Variants in GRM5 observed in about 807,000 individuals in gnomAD.
The protein encoded by GRM5 is glutamate metabotropic receptor 5, also known as metabotropic glutamate receptor 5.
GRM5 carries 19 observed loss-of-function variants against 83.1 expected under a neutral mutation model. The observed-to-expected ratio is 0.23, with a 90% CI of 0.16 to 0.34. The LOEUF is 0.34. Among genes scored for constraint, GRM5 ranks in the 10% least tolerant of loss-of-function variants. GRM5 has a pLI of 1.00. For synonymous variants in GRM5, 675 were observed against 633.6 expected (o/e 1.07, Z -0.98); for missense variants, 1,160 against 1,588.3 (o/e 0.73, Z 4.58).
chr11:88,807,245 G>A (rs1022260062), intron 3 of GRM5, among the ~76,000 whole-genome samples: 2 of 152,106 alleles, frequency 1.3e-5, no homozygotes, highest in Admixed American at 6.6e-5. Context: ...TTTAAAAGCT[G>A]TCTTAAACCT....
chr11:88,769,648 T>C (rs1339267342), intron 3 of GRM5, among the ~76,000 whole-genome samples: 1 of 151,818 alleles, frequency 6.6e-6, no homozygotes, highest in Non-Finnish European at 1.5e-5. Context: ...GGCACAAGAA[T>C]CAACTGAAAG....
At chr11:88,580,891 A>T (rs1943203135) in intron 7 of GRM5, among the ~76,000 whole-genome samples, 1 of 152,208 alleles carries the variant, frequency 6.6e-6, no homozygotes, top group Non-Finnish European at 1.5e-5. Context: ...CTGTAATCCC[A>T]GCACTTTGGG....
At chr11:88,631,561 T>C (rs1938971066) in intron 4 of GRM5, among the ~76,000 whole-genome samples, 1 of 152,140 alleles carries the variant, frequency 6.6e-6, no homozygotes, top group African/African-American at 2.4e-5. Context: ...ATATAATTAT[T>C]GTCTGAGTTG....
chr11:88,959,888 T>C (rs1288988760), intron 2 of GRM5, among the ~76,000 whole-genome samples: 6 of 152,212 alleles, frequency 3.9e-5, no homozygotes, highest in Admixed American at 2.0e-4. Context: ...GAAGAAAGTA[T>C]ATATACAGCT....
At chr11:88,519,118 G>A (rs1372378050) in intron 9 of GRM5, among the ~76,000 whole-genome samples, 1 of 151,250 alleles carries the variant, frequency 6.6e-6, no homozygotes, top group Non-Finnish European at 1.5e-5. Flanking sequence ...ACATCAAGGA[G>A]GAATGGACAT....
chr11:88,687,875 G>C (rs1394435655), intron 3 of GRM5, among the ~76,000 whole-genome samples: 7 of 151,712 alleles, frequency 4.6e-5, no homozygotes, highest in Non-Finnish European at 1.0e-4. Context: ...ATGAGATAGT[G>C]ATAGTACTGA....
At chr11:88,760,861 G>C (rs1251736592) in intron 3 of GRM5, among the ~76,000 whole-genome samples, 1 of 152,110 alleles carries the variant, frequency 6.6e-6, no homozygotes. Flanking sequence ...TATCCGTCAT[G>C]ATCAAGTAGG....
chr11:88,832,170 AATCAAT>A (rs143202020), intron 3 of GRM5, among the ~76,000 whole-genome samples: 3,873 of 152,304 alleles, frequency 0.025, 171 homozygotes, highest in African/African-American at 0.089. Flanking sequence ...TGCCCTATCC[AATCAAT>A]ACCACAGATA....
At chr11:88,531,152 G>A (rs1480786414) in intron 8 of GRM5, among the ~76,000 whole-genome samples, 1 of 152,118 alleles carries the variant, frequency 6.6e-6, no homozygotes, top group African/African-American at 2.4e-5. Flanking sequence ...TATATGCCTG[G>A]AAGCAGCGTT....
At chr11:88,941,642 G>A (rs933170780) in intron 2 of GRM5, among the ~76,000 whole-genome samples, 35 of 151,750 alleles carry the variant, frequency 2.3e-4, no homozygotes, top group African/African-American at 8.2e-4. Flanking sequence ...AATGCCAACT[G>A]TAAATGTAGA....
At chr11:88,809,914 A>G in intron 3 of GRM5, among the ~76,000 whole-genome samples, 1 of 152,088 alleles carries the variant, frequency 6.6e-6, no homozygotes, top group East Asian at 1.9e-4. Context: ...GATAGCTGAT[A>G]CTAAACAAAT....
At chr11:88,960,346 G>A in intron 2 of GRM5, among the ~76,000 whole-genome samples, 1 of 152,058 alleles carries the variant, frequency 6.6e-6, no homozygotes, top group Middle Eastern at 3.2e-3. Context: ...CTTTATATAA[G>A]CTTGTGTCAT....
intron 3 of GRM5, among the ~76,000 whole-genome samples, chr11:88,792,244 G>C (rs1943188143): frequency 6.6e-6 from 1 of 152,036 alleles, no homozygotes; most frequent in South Asian, 2.1e-4. Flanking sequence ...TATTGCTCTA[G>C]AAAGAGTCCA....
intron 3 of GRM5, among the ~76,000 whole-genome samples, chr11:88,846,906 A>C (rs1185188346): frequency 6.6e-6 from 1 of 152,164 alleles, no homozygotes; most frequent in East Asian, 1.9e-4. Flanking sequence ...AATTTTAAAA[A>C]AATAAACTCA....
intron 2 of GRM5, among the ~76,000 whole-genome samples, chr11:88,987,515 A>C (rs1429598181): frequency 6.6e-6 from 1 of 151,968 alleles, no homozygotes; most frequent in Admixed American, 6.5e-5. Context: ...ACCACAGCTC[A>C]AGGAGGCCTG....
chr11:88,983,952 A>T (rs970026425), intron 2 of GRM5, among the ~76,000 whole-genome samples: 1 of 152,140 alleles, frequency 6.6e-6, no homozygotes, highest in Non-Finnish European at 1.5e-5. Flanking sequence ...AAAAACTTTT[A>T]AAAATATTAA....
intron 2 of GRM5, among the ~76,000 whole-genome samples, chr11:88,916,595 G>T (rs1357054023): frequency 6.6e-6 from 1 of 151,986 alleles, no homozygotes; most frequent in African/African-American, 2.4e-5. Flanking sequence ...AGACCACAAG[G>T]ACTGTAATTC....
intron 6 of GRM5, among the ~76,000 whole-genome samples, chr11:88,596,401 TTC>T (rs1937806794): frequency 6.6e-6 from 1 of 152,186 alleles, no homozygotes; most frequent in Non-Finnish European, 1.5e-5. Flanking sequence ...GTCAAAATTA[TTC>T]TCTGACTCCA....
At chr11:89,042,562 ATTTGT>A (rs1488398648) in intron 2 of GRM5, among the ~76,000 whole-genome samples, 1 of 152,208 alleles carries the variant, frequency 6.6e-6, no homozygotes, top group Admixed American at 6.5e-5. Flanking sequence ...TCATCCCAAA[ATTTGT>A]TTTAACTCTC....
Sources: gnomAD v4.1 joint callset for allele counts (sites outside exome capture counted in the v4.1 genomes callset) on GRCh38, gnomAD v4.1.1 for gene constraint, MANE v1.5 for transcripts, NCBI Gene and HGNC (gene_info 2026-07-23, HGNC 2026-07-21) for gene names.